TMEM117: variants seen among roughly 807,000 people sequenced by gnomAD.
The protein encoded by TMEM117 is transmembrane protein 117.
A neutral mutation model predicts 52.4 loss-of-function variants in TMEM117; 27 were observed. That is an observed-to-expected ratio of 0.51 (90% CI 0.38 to 0.71). The LOEUF is 0.71. Ranked by LOEUF, TMEM117 falls within the 30% of genes least tolerant of loss-of-function variation. TMEM117 has a pLI of 0.00. For missense variants in TMEM117, 556 were observed against 630.5 expected (o/e 0.88, Z 1.26); for synonymous variants, 215 against 206.3 (o/e 1.04, Z -0.36).
chr12:44,210,076 T>A (rs1195215088), intron 4 of TMEM117, among the ~76,000 whole-genome samples: 1 of 152,172 alleles, frequency 6.6e-6, no homozygotes, highest in East Asian at 1.9e-4. Context: ...GAGAAAAATT[T>A]ATTTTAGTGG....
chr12:44,028,670 C>T (rs73087699), intron 3 of TMEM117, among the ~76,000 whole-genome samples: 9,356 of 152,184 alleles, frequency 0.061, 445 homozygotes, highest in African/African-American at 0.13. Context: ...ATGAATGATC[C>T]GCACCTTGAT....
intron 6 of TMEM117, among the ~76,000 whole-genome samples, chr12:44,369,355 G>A (rs1425960179): frequency 2.0e-5 from 3 of 152,164 alleles, no homozygotes; most frequent in African/African-American, 7.2e-5. Flanking sequence ...CTGCTATCTT[G>A]CCAAAGCCTC....
intron 2 of TMEM117, among the ~76,000 whole-genome samples, chr12:43,868,176 CTG>C (rs1305127790): frequency 1.3e-5 from 2 of 151,580 alleles, no homozygotes; most frequent in Non-Finnish European, 1.5e-5. Context: ...CCCCCTCTCT[CTG>C]TCTCTCCCTC....
the TMEM117 span, among the ~76,000 whole-genome samples, chr12:43,811,965 C>T: frequency 6.6e-6 from 1 of 152,068 alleles, no homozygotes; most frequent in East Asian, 1.9e-4. Flanking sequence ...AGATTCACTA[C>T]TACAGTAAAT....
rs138515542 is a variant in TMEM117, at chr12:43,922,088, A to G, written c.278-22122A>G. On this transcript the variant is annotated intron_variant, in intron 2 of 7. Transcript: ENST00000266534. ...GTCAGTAGAACCAGCAAAAAAGCACAATAAGGACTCCTTGGATTTAACTAG... is the reference window on the plus strand; with the variant it reads ...GTCAGTAGAACCAGCAAAAAAGCACGATAAGGACTCCTTGGATTTAACTAG... Among the ~76,000 whole-genome samples the G allele has an allele frequency of 4.0e-3, 614 of 152,264 alleles. 2 individuals are homozygous for G. Among genetic ancestry groups the G allele is most frequent in the Middle Eastern group, 0.014 (4 of 294 alleles).
In TMEM117 at chr12:44,289,698, G is replaced by A. The variant is rs559784185; in HGVS notation, c.609-9882G>A. 7.3e-5 allele frequency among the ~76,000 whole-genome samples: 11 copies of A among 151,668 alleles called. No homozygotes were observed. The East Asian group carries it at 1.2e-3, about 16-fold the overall frequency. ...CTCCCGAGTAACTGGGATTGCAGGC[G>A]CCCGCCACCATGCCTGGCTAATTTT... is the stretch of plus-strand genomic sequence containing the variant. On this transcript the variant is annotated intron_variant, in intron 5 of 7. Coordinates refer to ENST00000266534, the MANE Select transcript of TMEM117 (RefSeq NM_032256.3).
At chr12:44,057,760 G>A (rs1947079807) in intron 3 of TMEM117, among the ~76,000 whole-genome samples, 1 of 152,086 alleles carries the variant, frequency 6.6e-6, no homozygotes, top group Non-Finnish European at 1.5e-5. Context: ...GATAAGTTGT[G>A]TGGCTCTGGG....
At chr12:44,144,807 A>G (rs992867142) in intron 4 of TMEM117, among the ~76,000 whole-genome samples, 1 of 151,936 alleles carries the variant, frequency 6.6e-6, no homozygotes, top group Admixed American at 6.5e-5. Context: ...TGTAATCTCT[A>G]GAAATAGCAA....
At chr12:44,070,917 G>T (rs1022728556) in intron 3 of TMEM117, among the ~76,000 whole-genome samples, 15 of 152,086 alleles carry the variant, frequency 9.9e-5, no homozygotes, top group Non-Finnish European at 1.8e-4. Context: ...GAAAGCCAAG[G>T]AGTAAGGAAA....
intron 4 of TMEM117, among the ~76,000 whole-genome samples, chr12:44,151,620 G>A (rs116647832): frequency 5.0e-4 from 75 of 148,574 alleles, no homozygotes; most frequent in African/African-American, 1.8e-3. Flanking sequence ...AGCCCAGGAG[G>A]CATTGATACT....
chr12:44,350,897 G>A (rs191688987), intron 6 of TMEM117, among the ~76,000 whole-genome samples: 7 of 152,056 alleles, frequency 4.6e-5, no homozygotes, highest in Admixed American at 1.3e-4. Flanking sequence ...GGGATTCCTG[G>A]ATCATATGTT....
intron 2 of TMEM117, among the ~76,000 whole-genome samples, chr12:43,874,081 T>C (rs1205590954): frequency 6.6e-6 from 1 of 152,198 alleles, no homozygotes; most frequent in Non-Finnish European, 1.5e-5. Context: ...TCTATTTTCC[T>C]ATCTTAGTTT....
At chr12:43,815,099 C>T in the TMEM117 span, among the ~76,000 whole-genome samples, 1 of 152,138 alleles carries the variant, frequency 6.6e-6, no homozygotes, top group Non-Finnish European at 1.5e-5. Flanking sequence ...GGAAAAATTC[C>T]TTAATCTTTC....
intron 3 of TMEM117, among the ~76,000 whole-genome samples, chr12:44,063,618 TC>T (rs1947175396): frequency 2.1e-5 from 1 of 47,558 alleles, no homozygotes; most frequent in African/African-American, 7.9e-5. Context: ...CCCTCCCGCC[TC>T]CCCCCACCCC....
At chr12:44,039,369 G>T (rs1048224135) in intron 3 of TMEM117, among the ~76,000 whole-genome samples, 7 of 149,280 alleles carry the variant, frequency 4.7e-5, no homozygotes, top group African/African-American at 1.7e-4. Flanking sequence ...ATATATTATT[G>T]TATCTATAGT....
At chr12:43,874,110 T>C (rs904611435) in intron 2 of TMEM117, among the ~76,000 whole-genome samples, 3 of 152,218 alleles carry the variant, frequency 2.0e-5, no homozygotes, top group African/African-American at 7.2e-5. Context: ...TTGGTAATTA[T>C]TGCTTTTTTT....
intron 5 of TMEM117, among the ~76,000 whole-genome samples, chr12:44,259,948 A>G (rs1018590032): frequency 6.6e-6 from 1 of 152,176 alleles, no homozygotes; most frequent in Admixed American, 6.5e-5. Context: ...AAAAACCGCC[A>G]TGAAAAATTT....
intron 5 of TMEM117, among the ~76,000 whole-genome samples, chr12:44,253,502 C>G (rs1950219725): frequency 6.6e-6 from 1 of 152,076 alleles, no homozygotes; most frequent in Admixed American, 6.6e-5. Context: ...AATTGAAAGC[C>G]ACAGGGCAGA....
At chr12:43,924,612 C>T (rs1944748738) in intron 2 of TMEM117, among the ~76,000 whole-genome samples, 1 of 151,876 alleles carries the variant, frequency 6.6e-6, no homozygotes, top group Non-Finnish European at 1.5e-5. Context: ...ACATATTTAC[C>T]CTATGAATAT....
Sources: gnomAD v4.1 joint callset for allele counts (sites outside exome capture counted in the v4.1 genomes callset) on GRCh38, gnomAD v4.1.1 for gene constraint, MANE v1.5 for transcripts, NCBI Gene and HGNC (gene_info 2026-07-23, HGNC 2026-07-21) for gene names.